Variants in SLC24A4 observed in about 807,000 individuals in gnomAD.
SLC24A4 encodes the protein sodium/potassium/calcium exchanger 4.
In SLC24A4, 53 loss-of-function variants were observed where a neutral mutation model predicts 79.0. The observed-to-expected ratio is 0.67, with a 90% CI of 0.54 to 0.84. The LOEUF (loss-of-function observed/expected upper bound fraction) is 0.84, where lower values mean the gene tolerates loss of function less well. Ranked by LOEUF, SLC24A4 falls within the 40% of genes least tolerant of loss-of-function variation. SLC24A4 has a pLI of 0.00. For missense variants in SLC24A4, 731 were observed against 822.0 expected (o/e 0.89, Z 1.35); for synonymous variants, 323 against 323.8 (o/e 1.00, Z 0.03).
At chr14:92,414,767 G>A (rs190229679) in intron 2 of SLC24A4, among the ~76,000 whole-genome samples, 132 of 152,216 alleles carry the variant, frequency 8.7e-4, no homozygotes, top group African/African-American at 2.9e-3. Context: ...AAACAATCAC[G>A]TGGTTGCCAC....
chr14:92,462,661 G>T (rs775728146), intron 12 of SLC24A4: 2 of 152,046 alleles, frequency 1.3e-5, no homozygotes, highest in Admixed American at 6.6e-5. Context: ...GCCTCCCAAA[G>T]TGCTGGGATT....
intron 2 of SLC24A4, among the ~76,000 whole-genome samples, chr14:92,337,312 C>A (rs959984888): frequency 2.0e-5 from 3 of 152,158 alleles, no homozygotes; most frequent in African/African-American, 4.8e-5. Flanking sequence ...TGCCTTTGAG[C>A]TCCTTGAGGG....
intron 2 of SLC24A4, among the ~76,000 whole-genome samples, chr14:92,385,166 G>A (rs1187507239): frequency 6.6e-6 from 1 of 152,174 alleles, no homozygotes; most frequent in Non-Finnish European, 1.5e-5. Context: ...TAGCACCTCT[G>A]CTAAGACACA....
chr14:92,349,972 G>A (rs575007796), intron 2 of SLC24A4, among the ~76,000 whole-genome samples: 21 of 152,310 alleles, frequency 1.4e-4, no homozygotes, highest in African/African-American at 4.6e-4. Context: ...GACACTCACC[G>A]CCTACCTGGC....
In SLC24A4 at chr14:92,482,678, AG is replaced by A. The variant is rs777722261; in HGVS notation, c.1256-1del. On this transcript the variant is annotated splice_acceptor_variant, in intron 12 of 16. Coordinates refer to ENST00000532405, the MANE Select transcript of SLC24A4 (RefSeq NM_153646.4). LOFTEE classifies it high-confidence loss of function. ...TTCTCACTCTGCCCCTTCACCCTGCAGAGGCCAGAGGGGACAAGGTCAAGTG... is the reference window on the plus strand; with the variant it reads ...TTCTCACTCTGCCCCTTCACCCTGCAAGGCCAGAGGGGACAAGGTCAAGTG... The A allele has an allele frequency of 6.2e-7, 1 of 1,609,128 alleles. No individual in the cohort carries two copies. Among genetic ancestry groups the A allele is most frequent in the African/African-American group, 1.3e-5 (1 of 74,778 alleles).
In SLC24A4 at chr14:92,474,827, A is replaced by ATGTGTGTGTGTGTGTGTGTG. The variant is rs1484148777; in HGVS notation, c.1256-7852_1256-7851insGTGTGTGTGTGTGTGTGTGT. Among the ~76,000 whole-genome samples the ATGTGTGTGTGTGTGTGTGTG allele has an allele frequency of 3.5e-4, 27 of 77,304 alleles. 1 individual carries two copies. The highest frequency in any genetic ancestry group is 1.0e-3 in the African/African-American group (22 of 21,236). 50.7% of individuals were successfully genotyped at this position (77,304 alleles called of 152,430 possible). On this transcript the variant is annotated intron_variant, in intron 12 of 16. Transcript: ENST00000532405. The stretch of plus-strand genomic sequence containing the variant: ...TACATATATACATATATATACATAT[A>ATGTGTGTGTGTGTGTGTGTG]TATGTGTGTGTGTGTGTATATATAT...
intron 2 of SLC24A4, among the ~76,000 whole-genome samples, chr14:92,418,382 C>G (rs1250519882): frequency 6.6e-6 from 1 of 152,146 alleles, no homozygotes; most frequent in Non-Finnish European, 1.5e-5. Flanking sequence ...CTCACTCTTC[C>G]CATCCCAACC....
intron 2 of SLC24A4, among the ~76,000 whole-genome samples, chr14:92,337,483 C>G (rs1885880952): frequency 6.6e-6 from 1 of 152,200 alleles, no homozygotes; most frequent in African/African-American, 2.4e-5. Context: ...TGGCTGACCC[C>G]TCTAGCCTGT....
At chr14:92,422,999 C>G (rs1044584418) in intron 2 of SLC24A4, among the ~76,000 whole-genome samples, 9 of 152,154 alleles carry the variant, frequency 5.9e-5, no homozygotes. Flanking sequence ...TTTTAAGAGA[C>G]AGGCTTTTGC....
At chr14:92,419,074 C>T (rs1454944269) in intron 2 of SLC24A4, among the ~76,000 whole-genome samples, 1 of 152,158 alleles carries the variant, frequency 6.6e-6, no homozygotes, top group Non-Finnish European at 1.5e-5. Context: ...TGAGGGTAAT[C>T]TTCACTTAAA....
At chr14:92,439,126 C>G (rs1466235502) in intron 3 of SLC24A4, among the ~76,000 whole-genome samples, 5 of 152,216 alleles carry the variant, frequency 3.3e-5, no homozygotes, top group Non-Finnish European at 7.3e-5. Flanking sequence ...CTCTACTGCT[C>G]AGCATGTTAT....
intron 3 of SLC24A4, among the ~76,000 whole-genome samples, chr14:92,434,883 C>G (rs33999353): frequency 2.0e-5 from 3 of 152,182 alleles, no homozygotes; most frequent in Non-Finnish European, 4.4e-5. Flanking sequence ...AAAAGATTCT[C>G]CTGCCTCAGC....
chr14:92,336,354 G>T (rs887226185), intron 2 of SLC24A4, among the ~76,000 whole-genome samples: 3 of 152,164 alleles, frequency 2.0e-5, no homozygotes, highest in Admixed American at 6.5e-5. Context: ...TAAAAGTGCC[G>T]GAATAATTTA....
rs944154900 is a variant in SLC24A4, at chr14:92,493,658, T to C, written c.*30T>C. 8 of 1,611,700 alleles carry C rather than the reference T, an allele frequency of 5.0e-6. No homozygotes were observed. The African/African-American group carries it at 1.1e-4, about 22-fold the overall frequency. ...GAGTCGCGGCCCCTGGGAGCTGATC[T>C]GGACACCCTGTGACACTGGCGTTCT... On this transcript the variant is annotated 3_prime_UTR_variant, in exon 17 of 17. Transcript: ENST00000532405.
At chr14:92,376,509 A>G (rs972942071) in intron 2 of SLC24A4, among the ~76,000 whole-genome samples, 1 of 152,240 alleles carries the variant, frequency 6.6e-6, no homozygotes, top group African/African-American at 2.4e-5. Context: ...TGATCCGTCC[A>G]TGGTATTTTG....
chr14:92,408,537 A>G (rs949047537), intron 2 of SLC24A4: 2 of 545,160 alleles, frequency 3.7e-6, no homozygotes, highest in African/African-American at 2.1e-5. Context: ...GATTGGAGCC[A>G]GGTCTGTGTG....
chr14:92,352,764 AGAGTTG>A (rs1886964964), intron 2 of SLC24A4, among the ~76,000 whole-genome samples: 1 of 152,202 alleles, frequency 6.6e-6, no homozygotes, highest in African/African-American at 2.4e-5. Context: ...AGAGCAAGTT[AGAGTTG>A]CAGGGGTACT....
At chr14:92,458,398 G>A (rs1394849531) in intron 12 of SLC24A4, among the ~76,000 whole-genome samples, 1 of 152,210 alleles carries the variant, frequency 6.6e-6, no homozygotes, top group Non-Finnish European at 1.5e-5. Flanking sequence ...TCCCTGGCAT[G>A]CCCGCACACC....
Position 92,398,037 on chromosome 14 carries a change from G to A in SLC24A4, c.242-35875G>A, listed in dbSNP as rs1047183575. 2.0e-5 allele frequency among the ~76,000 whole-genome samples: 3 copies of A among 152,190 alleles called. No individual in the cohort carries two copies. Among genetic ancestry groups the A allele is most frequent in the Non-Finnish European group, 4.4e-5 (3 of 68,026 alleles). On this transcript the variant is annotated intron_variant, in intron 2 of 16. Coordinates refer to ENST00000532405, the MANE Select transcript of SLC24A4 (RefSeq NM_153646.4). The surrounding 1 kb of genome is among the most constrained non-coding windows in gnomAD (Gnocchi z 4.1). ...CCCCTATGCCAGGCCCTGCGCACAT[G>A]TGACCTTCTCTGTCATAGCCCTTTA...
Sources: gnomAD v4.1 joint callset for allele counts (sites outside exome capture counted in the v4.1 genomes callset) on GRCh38, gnomAD v4.1.1 for gene constraint, Gnocchi (gnomAD v3.1) non-coding constraint, MANE v1.5 for transcripts, NCBI Gene and HGNC (gene_info 2026-07-23, HGNC 2026-07-21) for gene names.